MARCHF1: variants seen among roughly 807,000 people sequenced by gnomAD.
MARCHF1 encodes the protein E3 ubiquitin-protein ligase MARCHF1.
In MARCHF1, 40 loss-of-function variants were observed where a neutral mutation model predicts 54.2. The ratio of observed to expected loss-of-function variants is 0.74; its 90% CI spans 0.57 to 0.96. MARCHF1 has a LOEUF of 0.96. Ranked by LOEUF, MARCHF1 falls within the 40% of genes least tolerant of loss-of-function variation. The pLI, the probability that MARCHF1 is intolerant of heterozygous loss-of-function variation, is 0.00. For synonymous variants in MARCHF1, 236 were observed against 236.3 expected, an observed-to-expected ratio of 1.00 and a Z score of 0.01; for missense variants, 586 against 656.5, an observed-to-expected ratio of 0.89 and a Z score of 1.17.
chr4:164,014,033 C>CA (rs987297607), intron 2 of MARCHF1, among the ~76,000 whole-genome samples: 54 of 149,704 alleles, frequency 3.6e-4, no homozygotes, highest in South Asian at 1.3e-3. Flanking sequence ...CTAAAAATAC[C>CA]AAAAAAAAAT....
At position 164,008,106 on chromosome 4, in the gene MARCHF1, G is replaced by T. The variant is rs151183298; in HGVS notation, c.-247-19397C>A. 5.8e-3 allele frequency among the ~76,000 whole-genome samples: 878 copies of T among 152,200 alleles called. 9 individuals carry two copies. Among genetic ancestry groups the T allele is most frequent in the African/African-American group, 0.018 (730 of 41,516 alleles). On this transcript the variant is annotated intron_variant, in intron 2 of 9. Transcript: ENST00000514618. The stretch of plus-strand genomic sequence containing the variant: ...TCAGGAAACACACTTTACCTATAAA[G>T]ATGCATATAGGCTGAAATTAAAGGA...
chr4:164,117,961 CAT>C (rs747854983), intron 1 of MARCHF1, among the ~76,000 whole-genome samples: 1 of 151,892 alleles, frequency 6.6e-6, no homozygotes, highest in Non-Finnish European at 1.5e-5. Flanking sequence ...TTAAAAAACA[CAT>C]GAGTGAGATC....
At chr4:164,100,422 T>C (rs1398354858) in intron 2 of MARCHF1, among the ~76,000 whole-genome samples, 1 of 152,226 alleles carries the variant, frequency 6.6e-6, no homozygotes, top group Non-Finnish European at 1.5e-5. Flanking sequence ...TTTAAACATT[T>C]AGAGTTCCTT....
chr4:163,622,226 G>T (rs1741714893), intron 5 of MARCHF1, among the ~76,000 whole-genome samples: 1 of 151,918 alleles, frequency 6.6e-6, no homozygotes, highest in African/African-American at 2.4e-5. Context: ...AGATGAAATG[G>T]GTTGGAAGGC....
chr4:164,268,717 T>C (rs148088549), intron 1 of MARCHF1, among the ~76,000 whole-genome samples: 7,663 of 152,208 alleles, frequency 0.05, 466 homozygotes, highest in African/African-American at 0.14. Flanking sequence ...AAATTCTGAC[T>C]ACTATTAAAA....
At chr4:163,733,208 TATATATATATATACAC>T (rs1745915568) in intron 4 of MARCHF1, among the ~76,000 whole-genome samples, 1 of 22,904 alleles carries the variant, frequency 4.4e-5, no homozygotes, top group African/African-American at 9.6e-5. Context: ...TATATATATA[TATATATATATATACAC>T]GTGTATATAT....
chr4:163,863,472 T>C (rs957653516), intron 3 of MARCHF1, among the ~76,000 whole-genome samples: 4 of 151,990 alleles, frequency 2.6e-5, no homozygotes, highest in Non-Finnish European at 5.9e-5. Context: ...GGTTTTTAAT[T>C]GTTGGAGTGC....
At chr4:163,937,183 C>T (rs1751814361) in intron 3 of MARCHF1, among the ~76,000 whole-genome samples, 1 of 152,072 alleles carries the variant, frequency 6.6e-6, no homozygotes, top group Non-Finnish European at 1.5e-5. Context: ...TGTAAGCCAC[C>T]ACCACCAAGC....
intron 1 of MARCHF1, among the ~76,000 whole-genome samples, chr4:164,299,621 C>T (rs1734498495): frequency 6.6e-6 from 1 of 152,148 alleles, no homozygotes; most frequent in African/African-American, 2.4e-5. Flanking sequence ...CTTAGCTGCA[C>T]AGAGTAGAGT....
intron 1 of MARCHF1, among the ~76,000 whole-genome samples, chr4:164,292,210 A>AT (rs1367316038): frequency 6.6e-6 from 1 of 152,162 alleles, no homozygotes; most frequent in African/African-American, 2.4e-5. Flanking sequence ...TTATACATAG[A>AT]TTTTTACCAA....
intron 1 of MARCHF1, among the ~76,000 whole-genome samples, chr4:164,147,684 AG>A (rs374716107): frequency 0.41 from 40,264 of 98,658 alleles, 8,762 homozygotes; most frequent in Non-Finnish European, 0.5. Context: ...GGGTGGGGGG[AG>A]GGGGGAGGGA....
At chr4:163,725,362 C>A (rs370323967) in intron 4 of MARCHF1, among the ~76,000 whole-genome samples, 10 of 151,788 alleles carry the variant, frequency 6.6e-5, no homozygotes, top group African/African-American at 1.9e-4. Flanking sequence ...CCTGTAATCC[C>A]AGCTACTCAG....
At chr4:163,579,169 T>C (rs1483754656) in intron 8 of MARCHF1, among the ~76,000 whole-genome samples, 1 of 152,208 alleles carries the variant, frequency 6.6e-6, no homozygotes, top group Non-Finnish European at 1.5e-5. Flanking sequence ...CAAGTTCTAT[T>C]AGAATAAATC....
At chr4:163,658,970 GA>G (rs553108860) in intron 5 of MARCHF1, among the ~76,000 whole-genome samples, 63 of 148,666 alleles carry the variant, frequency 4.2e-4, no homozygotes, top group Middle Eastern at 3.4e-3. Context: ...ATCAAGAAAA[GA>G]AAAAAAAATG....
At chr4:164,260,668 T>C (rs1389900321) in intron 1 of MARCHF1, among the ~76,000 whole-genome samples, 1 of 152,248 alleles carries the variant, frequency 6.6e-6, no homozygotes, top group Non-Finnish European at 1.5e-5. Context: ...ATTGTGACTA[T>C]TTTTAGCTAT....
In MARCHF1 at chr4:164,068,071, C is replaced by T. The variant is rs1206109859; in HGVS notation, c.-248+43517G>A. Among the ~76,000 whole-genome samples, 4 of 152,274 alleles carry T rather than the reference C, an allele frequency of 2.6e-5. No homozygotes were observed. In the East Asian group the frequency reaches 7.7e-4, roughly 29 times the overall value. On this transcript the variant is annotated intron_variant, in intron 2 of 9. Coordinates refer to ENST00000514618, the MANE Select transcript of MARCHF1 (RefSeq NM_001394959.1). ...TCATTACTAAAAAGTAAAAAAATAA[C>T]AGATGCTAGTGACGTTGTGGAGAAG...
intron 1 of MARCHF1, among the ~76,000 whole-genome samples, chr4:164,230,971 A>C (rs1732399319): frequency 6.6e-6 from 1 of 152,132 alleles, no homozygotes; most frequent in Non-Finnish European, 1.5e-5. Flanking sequence ...TCTGGGAACA[A>C]TAGATATGTA....
chr4:164,023,642 A>G (rs1753712017), intron 2 of MARCHF1, among the ~76,000 whole-genome samples: 1 of 152,208 alleles, frequency 6.6e-6, no homozygotes, highest in African/African-American at 2.4e-5. Flanking sequence ...CAAATGAGAA[A>G]GAATCAGCTT....
intron 7 of MARCHF1, among the ~76,000 whole-genome samples, chr4:163,610,974 C>T (rs1399485852): frequency 6.6e-6 from 1 of 152,050 alleles, no homozygotes; most frequent in Non-Finnish European, 1.5e-5. Flanking sequence ...TTCCTGTCAT[C>T]CTTTGAGCCT....
Sources: allele counts gnomAD v4.1 joint callset (sites outside exome capture counted in the v4.1 genomes callset), GRCh38; gene constraint gnomAD v4.1.1; transcripts MANE v1.5; gene names NCBI Gene and HGNC (gene_info 2026-07-23, HGNC 2026-07-21).